Variants in SNX29 observed in about 807,000 individuals in gnomAD.
SNX29 encodes sorting nexin-29.
SNX29 carries 78 observed loss-of-function variants against 102.1 expected under a neutral mutation model. The observed-to-expected ratio is 0.76, with a 90% confidence interval of 0.64 to 0.92. The LOEUF is 0.92. SNX29 is among the 40% of genes least tolerant of loss of function. The probability of loss-of-function intolerance (pLI) is 0.00; values close to 1 mark genes in which losing one functional copy is unlikely to be tolerated. For missense variants in SNX29, 1,280 were observed against 1,061.7 expected (o/e 1.21, Z -2.86); for synonymous variants, 580 against 414.5 (o/e 1.40, Z -4.85).
chr16:12,020,521 G>T (rs2056986519), intron 3 of SNX29, among the ~76,000 whole-genome samples: 1 of 151,726 alleles, frequency 6.6e-6, no homozygotes, highest in African/African-American at 2.4e-5. Context: ...ATTTTTATCT[G>T]ATTTGTAGAT....
chr16:12,180,755 G>A (rs1031036428), intron 13 of SNX29, among the ~76,000 whole-genome samples: 1 of 152,192 alleles, frequency 6.6e-6, no homozygotes, highest in African/African-American at 2.4e-5. Flanking sequence ...AAAGTGCTGG[G>A]ATTACAGGTG....
chr16:12,518,790 C>A (rs2089978460), intron 19 of SNX29, among the ~76,000 whole-genome samples: 1 of 152,152 alleles, frequency 6.6e-6, no homozygotes, highest in Admixed American at 6.5e-5. Context: ...TAGGAGCTAC[C>A]CCATCGCTGT....
At chr16:12,281,333 T>G (rs1315514724) in intron 15 of SNX29, among the ~76,000 whole-genome samples, 1 of 152,174 alleles carries the variant, frequency 6.6e-6, no homozygotes, top group African/African-American at 2.4e-5. Context: ...GAAAGCCAAC[T>G]CATCTATCTG....
chr16:11,978,442 A>G (rs2055348983), intron 1 of SNX29, among the ~76,000 whole-genome samples: 1 of 152,168 alleles, frequency 6.6e-6, no homozygotes, highest in Middle Eastern at 3.2e-3. Context: ...ACCTAGTAGT[A>G]CCTATCTCCT....
At chr16:12,249,466 C>T (rs562169218) in intron 14 of SNX29, among the ~76,000 whole-genome samples, 19 of 152,272 alleles carry the variant, frequency 1.2e-4, no homozygotes, top group African/African-American at 4.6e-4. Flanking sequence ...ATGGCCAGGC[C>T]CAGAGTCAGT....
intron 3 of SNX29, among the ~76,000 whole-genome samples, chr16:12,010,056 C>G (rs2056595841): frequency 6.6e-6 from 1 of 152,170 alleles, no homozygotes; most frequent in Non-Finnish European, 1.5e-5. Flanking sequence ...GGGCAAGTTT[C>G]TTTCTTGCAC....
At position 12,059,424 on chromosome 16, in the gene SNX29, G is replaced by A. The variant is rs533751813; in HGVS notation, c.1125-2104G>A. ...CTCCCCCAGGTTGGGCTCCTGCCAGGACAGTCGCGGGAGCGGCTCTTCTTT... is the reference window on the plus strand; with the variant it reads ...CTCCCCCAGGTTGGGCTCCTGCCAGAACAGTCGCGGGAGCGGCTCTTCTTT... On this transcript the variant is annotated intron_variant, in intron 8 of 20. Coordinates refer to ENST00000566228, the MANE Select transcript of SNX29 (RefSeq NM_032167.5). 6.6e-5 allele frequency among the ~76,000 whole-genome samples: 10 copies of A among 152,362 alleles called. No homozygotes were observed. The South Asian group carries it at 2.1e-3, about 32-fold the overall frequency.
At chr16:12,059,947 G>T (rs1259917995) in intron 8 of SNX29, among the ~76,000 whole-genome samples, 1 of 152,030 alleles carries the variant, frequency 6.6e-6, no homozygotes, top group East Asian at 1.9e-4. Context: ...TTCTTCTTTT[G>T]CCTCCCTTCC....
chr16:12,184,612 G>A (rs1243453781), intron 13 of SNX29, among the ~76,000 whole-genome samples: 1 of 152,078 alleles, frequency 6.6e-6, no homozygotes, highest in African/African-American at 2.4e-5. Flanking sequence ...ATCCTTTCAC[G>A]CTTGGGCACT....
intron 16 of SNX29, among the ~76,000 whole-genome samples, chr16:12,363,126 T>C (rs1248993338): frequency 6.6e-6 from 1 of 152,158 alleles, no homozygotes; most frequent in Non-Finnish European, 1.5e-5. Context: ...AGTAAAACGG[T>C]CACTAAGGGC....
intron 18 of SNX29, among the ~76,000 whole-genome samples, chr16:12,407,328 GTTT>G (rs34752475): frequency 6.9e-6 from 1 of 145,630 alleles, no homozygotes; most frequent in African/African-American, 2.6e-5. Flanking sequence ...TAATTAGATT[GTTT>G]TTTTTTTTTC....
At chr16:12,142,389 C>A (rs1361092208) in intron 13 of SNX29, among the ~76,000 whole-genome samples, 1 of 152,000 alleles carries the variant, frequency 6.6e-6, no homozygotes, top group Non-Finnish European at 1.5e-5. Flanking sequence ...ATGATGTACC[C>A]CAGAGCAGCC....
At chr16:11,981,171 T>G (rs899822373) in intron 1 of SNX29, among the ~76,000 whole-genome samples, 2 of 152,232 alleles carry the variant, frequency 1.3e-5, no homozygotes, top group Admixed American at 1.3e-4. Context: ...GGTTTTGCCA[T>G]GTTGACTGGG....
rs2050189581 is a variant in SNX29 at position 12,048,749 on chromosome 16, T to C, written c.748+129T>C. On this transcript the variant is annotated intron_variant, in intron 7 of 20. Transcript: ENST00000566228. ...CCAGTGCACTTGCGTTTTCCATTTG[T>C]GTTTCTGTTTCTCATCCTCATTCAC... 3 of 1,473,444 alleles carry C rather than the reference T, an allele frequency of 2.0e-6. No homozygotes were observed. In the South Asian group the frequency reaches 3.5e-5, roughly 17 times the overall value. The allele number at this position is 1,473,444 out of a possible 1,614,324, so 91.3% of individuals were successfully genotyped here.
intron 14 of SNX29, among the ~76,000 whole-genome samples, chr16:12,266,312 A>G (rs909013691): frequency 2.0e-5 from 3 of 152,078 alleles, no homozygotes; most frequent in Admixed American, 1.3e-4. Flanking sequence ...ACACTAGGCA[A>G]TTCTCCAACA....
At chr16:12,251,215 G>A (rs7187929) in intron 14 of SNX29, among the ~76,000 whole-genome samples, 10,708 of 152,278 alleles carry the variant, frequency 0.07, 1,105 homozygotes, top group African/African-American at 0.23. Context: ...TAAAGTGGAC[G>A]TGATAATAGC....
intron 15 of SNX29, among the ~76,000 whole-genome samples, chr16:12,346,789 C>T (rs548474147): frequency 6.6e-6 from 1 of 152,296 alleles, no homozygotes; most frequent in South Asian, 2.1e-4. Flanking sequence ...TCTGCCTTGG[C>T]TCTTGGAGGG....
intron 18 of SNX29, among the ~76,000 whole-genome samples, chr16:12,409,710 A>G (rs965504930): frequency 6.6e-6 from 1 of 152,170 alleles, no homozygotes. Flanking sequence ...TTAGGCCTTA[A>G]AAAAGCTCAC....
Position 12,463,604 on chromosome 16 carries a change from A to G in SNX29, c.2038-14115A>G, listed in dbSNP as rs149368755. Among the ~76,000 whole-genome samples the G allele has an allele frequency of 1.9e-3, 289 of 152,312 alleles. 3 individuals are homozygous for G. Among genetic ancestry groups the G allele is most frequent in the African/African-American group, 6.8e-3 (282 of 41,568 alleles). Reference sequence around the variant, plus strand: ...CCGGGCCCCTCCCACAACACGTGGGAATTATGGGAGCTACAATTCAAGATG... The same window carrying G: ...CCGGGCCCCTCCCACAACACGTGGGGATTATGGGAGCTACAATTCAAGATG... On this transcript the variant is annotated intron_variant, in intron 18 of 20. Coordinates refer to ENST00000566228, the MANE Select transcript of SNX29 (RefSeq NM_032167.5).
Sources: gnomAD v4.1 joint callset for allele counts (sites outside exome capture counted in the v4.1 genomes callset) on GRCh38, gnomAD v4.1.1 for gene constraint, MANE v1.5 for transcripts, NCBI Gene and HGNC (gene_info 2026-07-23, HGNC 2026-07-21) for gene names.